LARP4: variants seen among roughly 807,000 people sequenced by gnomAD.
LARP4 encodes La ribonucleoprotein 4.
In LARP4, 29 loss-of-function variants were observed where a neutral mutation model predicts 92.9. That is an observed-to-expected ratio of 0.31 (90% CI 0.23 to 0.43). The LOEUF (loss-of-function observed/expected upper bound fraction) is 0.43. LARP4 is among the 20% of genes least tolerant of loss of function. The pLI is 1.00. For missense variants in LARP4, 732 were observed against 860.0 expected (o/e 0.85, Z 1.86); for synonymous variants, 279 against 284.1 (o/e 0.98, Z 0.18).
chr12:50,447,410 A>C (rs1032742170), intron 8 of LARP4, among the ~76,000 whole-genome samples: 10 of 152,248 alleles, frequency 6.6e-5, no homozygotes, highest in African/African-American at 2.4e-4. Context: ...GGGCAAAAGC[A>C]GCCACAAGCA....
chr12:50,424,516 G>A (rs1418796271), intron 1 of LARP4, among the ~76,000 whole-genome samples: 3 of 151,738 alleles, frequency 2.0e-5, no homozygotes, highest in South Asian at 2.1e-4. Context: ...GTACCACCAC[G>A]CCCAGCTGAT....
chr12:50,405,979 A>G (rs1944757468), intron 1 of LARP4, among the ~76,000 whole-genome samples: 2 of 152,166 alleles, frequency 1.3e-5, no homozygotes, highest in Admixed American at 6.6e-5. Flanking sequence ...GAGTGATAAG[A>G]AAAAAGTCTC....
At chr12:50,437,919 G>A (rs1565615664) in intron 6 of LARP4, 81 bp downstream of exon 6, 3 of 836,358 alleles carry the variant, frequency 3.6e-6, no homozygotes, top group South Asian at 1.8e-5. Flanking sequence ...TGGCAAAGAA[G>A]AAAAATTGGA....
intron 1 of LARP4, among the ~76,000 whole-genome samples, chr12:50,408,983 A>T (rs1426844342): frequency 4.0e-5 from 6 of 151,074 alleles, no homozygotes; most frequent in Middle Eastern, 3.4e-3. Flanking sequence ...TGTCTTAAAA[A>T]TTTTTTTTTT....
intron 12 of LARP4, among the ~76,000 whole-genome samples, chr12:50,464,220 A>C (rs1317843745): frequency 3.3e-5 from 5 of 152,248 alleles, no homozygotes. Flanking sequence ...ACAGTTCTGC[A>C]GGCTGTACAG....
chr12:50,472,488 A>G (rs1455090279), intron 13 of LARP4, among the ~76,000 whole-genome samples: 1 of 149,622 alleles, frequency 6.7e-6, no homozygotes, highest in Non-Finnish European at 1.5e-5. Flanking sequence ...AGCGTGAGTC[A>G]AGATTTCATT....
intron 1 of LARP4, chr12:50,416,280 C>G (rs1329969370): frequency 6.6e-6 from 1 of 152,186 alleles, no homozygotes; most frequent in African/African-American, 2.4e-5. Flanking sequence ...GGTTTCCTCA[C>G]CAGATCCTTG....
intron 4 of LARP4, 92 bp from the exon 5 acceptor site, chr12:50,435,396 T>C (rs1354002454): frequency 2.7e-6 from 2 of 741,732 alleles, no homozygotes; most frequent in East Asian, 5.2e-5. Flanking sequence ...CTTATTTCCA[T>C]GCATTTAAAA....
Position 50,473,439 on chromosome 12 carries a change from T to A in LARP4, c.1570T>A (p.Cys524Ser). 2 of 1,613,508 alleles carry A rather than the reference T, an allele frequency of 1.2e-6. No homozygotes were observed. The highest frequency in any genetic ancestry group is 1.7e-6 in the Non-Finnish European group (2 of 1,179,546). The change falls in exon 14 of 16, where the codon TGC (cysteine) becomes AGC (serine). Residue 524 changes from cysteine to serine, a missense_variant. Physicochemically the swap from Cys to Ser is moderately radical, Grantham distance 112. Coordinates refer to ENST00000398473, the MANE Select transcript of LARP4 (RefSeq NM_052879.5). ...GGATAATGAAGAGTTGACAATTAGT[T>A]GCCCAGTGCCTGCAGATGAGCAGAC... is the stretch of plus-strand genomic sequence containing the variant. ...EKDNEELTIS[C>S]PVPADEQTEC...
At chr12:50,473,075 C>T (rs921853870) in intron 13 of LARP4, among the ~76,000 whole-genome samples, 4 of 152,172 alleles carry the variant, frequency 2.6e-5, no homozygotes, top group Admixed American at 2.6e-4. Context: ...CCGCCTCAGC[C>T]TCCGAAAGTG....
chr12:50,470,580 C>T (rs1956818826), intron 13 of LARP4, among the ~76,000 whole-genome samples: 2 of 152,046 alleles, frequency 1.3e-5, no homozygotes, highest in Non-Finnish European at 2.9e-5. Context: ...ATTACAGGCA[C>T]TTGCCACCAT....
At position 50,463,433 on chromosome 12, in the gene LARP4, A is replaced by C. The variant is rs919498657; in HGVS notation, c.1383+803A>C. ...ACCCCATCTCTCCAAAAAAAAAAAA[A>C]AAAAAAAAAAAAAAATTAGCCAGGC... On this transcript the variant is annotated intron_variant, in intron 12 of 15. Transcript: ENST00000398473. Among the ~76,000 whole-genome samples, 54 of 149,758 alleles carry C rather than the reference A, an allele frequency of 3.6e-4. 2 individuals are homozygous for C. The highest frequency in any genetic ancestry group is 1.7e-3 in the South Asian group (8 of 4,714).
Position 50,435,616 on chromosome 12 carries a change from TG to T in LARP4, c.528del (p.Leu177Ter). On this transcript the variant is annotated frameshift_variant, in exon 5 of 16. Transcript: ENST00000398473. LOFTEE classifies it high-confidence loss of function. The stretch of plus-strand genomic sequence containing the variant: ...ACAGACCCTGATCTAATTCTTGAAG[TG>T]TTAAGATGTATGTAAAAATACCTTT... Reference protein sequence around the residue: ...LTTDPDLILEVLRSSPMVQVD... With the variant: ...LTTDPDLILEXLRSSPMVQVD... 1 of 1,577,100 alleles carries T rather than the reference TG, an allele frequency of 6.3e-7. No individual in the cohort carries two copies. Among genetic ancestry groups the T allele is most frequent in the Non-Finnish European group, 8.6e-7 (1 of 1,165,522 alleles).
chr12:50,432,711 T>A (rs1949835809), intron 4 of LARP4, among the ~76,000 whole-genome samples: 1 of 151,744 alleles, frequency 6.6e-6, no homozygotes, highest in Non-Finnish European at 1.5e-5. Flanking sequence ...ATACAAAAAA[T>A]TAGCTGGGCA....
At chr12:50,462,816 A>G (rs1955619182) in intron 12 of LARP4, among the ~76,000 whole-genome samples, 186 bp downstream of exon 12, 1 of 152,124 alleles carries the variant, frequency 6.6e-6, no homozygotes, top group African/African-American at 2.4e-5. Flanking sequence ...TCTAGCACAC[A>G]TGTAGTAAGG....
At chr12:50,450,764 G>A (rs754682740) in intron 8 of LARP4, among the ~76,000 whole-genome samples, 14 of 152,162 alleles carry the variant, frequency 9.2e-5, no homozygotes, top group Non-Finnish European at 1.6e-4. Context: ...GCCTCCCAAA[G>A]TGCTAGGATT....
At position 50,477,415 on chromosome 12, in the gene LARP4, C is replaced by T. The variant is rs916795889; in HGVS notation, c.*1551C>T. The stretch of plus-strand genomic sequence containing the variant: ...AACTGTCCCATATGTTAGTAAATTA[C>T]ATATGTACAAATTGAAACTGTAAAT... On this transcript the variant is annotated 3_prime_UTR_variant, in exon 16 of 16. Coordinates refer to ENST00000398473, the MANE Select transcript of LARP4 (RefSeq NM_052879.5). 1.3e-5 allele frequency: 2 copies of T among 152,518 alleles called. No homozygotes were observed. The highest frequency in any genetic ancestry group is 2.4e-5 in the African/African-American group (1 of 41,416). 9.4% of individuals were successfully genotyped at this position (152,518 alleles called of 1,614,324 possible).
intron 10 of LARP4, among the ~76,000 whole-genome samples, chr12:50,457,104 A>G (rs894298221): frequency 3.3e-5 from 5 of 150,486 alleles, no homozygotes; most frequent in African/African-American, 1.2e-4. Context: ...GGGTTTCATC[A>G]TGTTGGCCAG....
chr12:50,454,764 ATGT>A (rs762964818), intron 10 of LARP4: 7 of 183,360 alleles, frequency 3.8e-5, no homozygotes, highest in Non-Finnish European at 6.9e-5. Flanking sequence ...GAAGATATAA[ATGT>A]TGTTAACTGA....
Sources: gnomAD v4.1 joint callset for allele counts (sites outside exome capture counted in the v4.1 genomes callset) on GRCh38, gnomAD v4.1.1 for gene constraint, MANE v1.5 for transcripts, NCBI Gene and HGNC (gene_info 2026-07-23, HGNC 2026-07-21) for gene names.